Variants in AGBL4 observed in about 807,000 individuals in gnomAD.
The protein encoded by AGBL4 is cytosolic carboxypeptidase 6.
A neutral mutation model predicts 66.4 loss-of-function variants in AGBL4; 58 were observed. The ratio of observed to expected loss-of-function variants is 0.87; its 90% CI spans 0.71 to 1.09. The LOEUF is 1.09. AGBL4 is among the 50% of genes least tolerant of loss of function. The pLI is 0.00. For missense variants in AGBL4, 579 were observed against 631.0 expected (o/e 0.92, Z 0.88); for synonymous variants, 234 against 222.9 (o/e 1.05, Z -0.44).
intron 3 of AGBL4, among the ~76,000 whole-genome samples, chr1:49,622,495 G>T (rs1294523602): frequency 6.7e-6 from 1 of 149,960 alleles, no homozygotes; most frequent in Non-Finnish European, 1.5e-5. Context: ...CGGGCGTAGT[G>T]GCGGGCGCCT....
At chr1:49,577,490 A>G (rs1644459898) in intron 3 of AGBL4, among the ~76,000 whole-genome samples, 1 of 152,216 alleles carries the variant, frequency 6.6e-6, no homozygotes, top group African/African-American at 2.4e-5. Context: ...ACTTGCTGGC[A>G]GGTTGATTAT....
chr1:48,953,229 G>A (rs1199698004), intron 5 of AGBL4, among the ~76,000 whole-genome samples: 5 of 152,128 alleles, frequency 3.3e-5, no homozygotes, highest in Non-Finnish European at 1.5e-5. Flanking sequence ...AAACCATACT[G>A]CCAAAGTAGT....
At chr1:49,612,276 C>A (rs1409953189) in intron 3 of AGBL4, among the ~76,000 whole-genome samples, 2 of 152,126 alleles carry the variant, frequency 1.3e-5, no homozygotes, top group African/African-American at 4.8e-5. Flanking sequence ...AGCTCACAGT[C>A]AAGCAAAGCT....
intron 3 of AGBL4, among the ~76,000 whole-genome samples, chr1:49,376,014 G>C (rs1237648879): frequency 1.3e-5 from 2 of 152,096 alleles, no homozygotes; most frequent in African/African-American, 4.8e-5. Context: ...TTATTTCTTT[G>C]ATTCCTTCAG....
At position 49,245,753 on chromosome 1, in the gene AGBL4, T is replaced by G; in HGVS notation, c.377+17A>C. Reference sequence around the variant, plus strand: ...ATTTTCTAACCAGGAAGGGGTCCCATTCTGTAGATCACTTACCATTTTGGT... The same window carrying G: ...ATTTTCTAACCAGGAAGGGGTCCCAGTCTGTAGATCACTTACCATTTTGGT... On this transcript the variant is annotated intron_variant, in intron 4 of 13. Transcript: ENST00000371839. 1 of 1,537,498 alleles carries G rather than the reference T, an allele frequency of 6.5e-7. No individual in the cohort carries two copies. The highest frequency in any genetic ancestry group is 1.2e-5 in the South Asian group (1 of 83,572).
intron 5 of AGBL4, among the ~76,000 whole-genome samples, chr1:48,943,161 C>T (rs528211840): frequency 6.6e-6 from 1 of 152,314 alleles, no homozygotes; most frequent in South Asian, 2.1e-4. Context: ...GCATGCACCA[C>T]GTTGTGTTAG....
At chr1:48,681,305 A>G (rs1047881980) in intron 6 of AGBL4, among the ~76,000 whole-genome samples, 3 of 152,182 alleles carry the variant, frequency 2.0e-5, no homozygotes, top group African/African-American at 7.2e-5. Flanking sequence ...CACTTAGGAG[A>G]TGTGCAGTGC....
At chr1:49,068,039 G>A (rs1226596819) in intron 4 of AGBL4, among the ~76,000 whole-genome samples, 3 of 151,942 alleles carry the variant, frequency 2.0e-5, no homozygotes, top group South Asian at 2.1e-4. Flanking sequence ...GTACCTACAC[G>A]TTCCTGGTAC....
At chr1:49,873,937 T>C (rs1242953468) in intron 1 of AGBL4, among the ~76,000 whole-genome samples, 1 of 151,968 alleles carries the variant, frequency 6.6e-6, no homozygotes. Context: ...GCCAATACAA[T>C]TTCAAAAAAC....
At chr1:49,623,028 T>G (rs1260131473) in intron 3 of AGBL4, among the ~76,000 whole-genome samples, 2 of 152,288 alleles carry the variant, frequency 1.3e-5, no homozygotes, top group African/African-American at 4.8e-5. Context: ...ACACACTCTC[T>G]CTCTCAAATT....
intron 8 of AGBL4, among the ~76,000 whole-genome samples, chr1:48,646,170 C>G (rs1645831962): frequency 6.6e-6 from 1 of 152,034 alleles, no homozygotes; most frequent in African/African-American, 2.4e-5. Flanking sequence ...TAGAGGCAGG[C>G]AAGCAGAGGG....
intron 3 of AGBL4, among the ~76,000 whole-genome samples, chr1:49,395,829 G>GTATATATATACATATATATA (rs1290729874): frequency 1.4e-5 from 1 of 71,220 alleles, no homozygotes; most frequent in African/African-American, 6.2e-5. Flanking sequence ...ATATATATAT[G>GTATATATATACATATATATA]TGTATATATA....
chr1:49,716,258 T>A (rs1339307463), intron 2 of AGBL4, among the ~76,000 whole-genome samples: 1 of 152,106 alleles, frequency 6.6e-6, no homozygotes, highest in Non-Finnish European at 1.5e-5. Flanking sequence ...GATCAGATGG[T>A]TGTAGATGTG....
chr1:49,639,869 C>T (rs1039568382), intron 3 of AGBL4, among the ~76,000 whole-genome samples: 1 of 152,032 alleles, frequency 6.6e-6, no homozygotes, highest in Non-Finnish European at 1.5e-5. Flanking sequence ...AGAATGAAGG[C>T]ATCCAAAAAG....
intron 4 of AGBL4, among the ~76,000 whole-genome samples, chr1:49,126,630 T>C (rs1360503451): frequency 6.6e-6 from 1 of 152,192 alleles, no homozygotes; most frequent in Non-Finnish European, 1.5e-5. Context: ...GTAAGTGATA[T>C]AATCAAATAA....
chr1:48,684,550 C>A (rs918032341), intron 6 of AGBL4, among the ~76,000 whole-genome samples: 1 of 152,100 alleles, frequency 6.6e-6, no homozygotes, highest in African/African-American at 2.4e-5. Context: ...GGGAAGAACC[C>A]TGCTTATTTG....
At chr1:48,596,990 G>A (rs1488030161) in intron 9 of AGBL4, among the ~76,000 whole-genome samples, 1 of 152,118 alleles carries the variant, frequency 6.6e-6, no homozygotes, top group Non-Finnish European at 1.5e-5. Context: ...TAGAACCGCC[G>A]TAACTTCCCA....
chr1:49,756,378 C>T (rs913090313), intron 2 of AGBL4, among the ~76,000 whole-genome samples: 9 of 152,076 alleles, frequency 5.9e-5, no homozygotes, highest in Non-Finnish European at 1.3e-4. Context: ...CCACAGTAAC[C>T]AGGAGTTTTG....
intron 4 of AGBL4, among the ~76,000 whole-genome samples, chr1:49,112,801 A>C (rs632921): frequency 0.68 from 102,876 of 152,026 alleles, 35,457 homozygotes; most frequent in African/African-American, 0.75. Flanking sequence ...AATTCTAGTT[A>C]TCTTGACATT....
Sources: allele counts gnomAD v4.1 joint callset (sites outside exome capture counted in the v4.1 genomes callset), GRCh38; gene constraint gnomAD v4.1.1; transcripts MANE v1.5; gene names NCBI Gene and HGNC (gene_info 2026-07-23, HGNC 2026-07-21).